The following ALK variants were observed in gnomAD, a reference collection of about 807,000 sequenced individuals.
The protein encoded by ALK is ALK receptor tyrosine kinase, also known as ALK tyrosine kinase receptor.
ALK carries 74 observed loss-of-function variants against 163.1 expected under a neutral mutation model. The ratio of observed to expected loss-of-function variants is 0.45; its 90% CI spans 0.38 to 0.55. The LOEUF is 0.55. ALK is among the 20% of genes least tolerant of loss of function. The pLI is 0.00. For missense variants in ALK, 2,063 were observed against 2,105.3 expected, an observed-to-expected ratio of 0.98 and a Z score of 0.39; for synonymous variants, 960 against 843.2, an observed-to-expected ratio of 1.14 and a Z score of -2.40.
Position 29,754,976 on chromosome 2 carries a change from T to C in ALK, c.668-37279A>G, listed in dbSNP as rs116071463. On this transcript the variant is annotated intron_variant, in intron 1 of 28. Coordinates refer to ENST00000389048, the MANE Select transcript of ALK (RefSeq NM_004304.5). ...CATGGATGTGCAGATGGGAAGCCTC[T>C]TCTGGAAGACCCCCACCCCAGAGCC... 7.5e-3 allele frequency among the ~76,000 whole-genome samples: 1,145 copies of C among 152,258 alleles called. 14 individuals carry two copies. The highest frequency in any genetic ancestry group is 0.027 in the African/African-American group (1,111 of 41,560).
At chr2:29,738,455 AC>A (rs1679956085) in intron 1 of ALK, among the ~76,000 whole-genome samples, 1 of 152,046 alleles carries the variant, frequency 6.6e-6, no homozygotes, top group Non-Finnish European at 1.5e-5. Context: ...AAATTCTGTA[AC>A]TTATGTGGCC....
At chr2:29,904,868 T>C (rs750521737) in intron 1 of ALK, among the ~76,000 whole-genome samples, 1 of 152,192 alleles carries the variant, frequency 6.6e-6, no homozygotes, top group Non-Finnish European at 1.5e-5. Flanking sequence ...CTGATGATAA[T>C]TGAGTGTGAG....
Position 29,523,913 on chromosome 2 carries a change from C to T in ALK, c.1154+8002G>A, listed in dbSNP as rs374559721. On this transcript the variant is annotated intron_variant, in intron 4 of 28. Transcript: ENST00000389048. ...TTTTATGCCCATCAATGAAAGCAATCGTGAGTAAAAGTTGTACCTGCCAGG... is the reference window on the plus strand; with the variant it reads ...TTTTATGCCCATCAATGAAAGCAATTGTGAGTAAAAGTTGTACCTGCCAGG... Among the ~76,000 whole-genome samples, 23 of 120,890 alleles carry T rather than the reference C, an allele frequency of 1.9e-4. 1 individual carries two copies. The South Asian group carries it at 6.0e-3, about 32-fold the overall frequency. The allele number at this position is 120,890 out of a possible 152,430, so 79.3% of individuals were successfully genotyped here. A position where few individuals can be genotyped will look rare whatever the true frequency, so the allele number is the denominator to read the frequency against.
chr2:29,442,546 G>T (rs1283550467), intron 4 of ALK, among the ~76,000 whole-genome samples: 2 of 152,114 alleles, frequency 1.3e-5, no homozygotes, highest in East Asian at 3.9e-4. Flanking sequence ...ATTCTCCCTT[G>T]AGTCTTGGGT....
intron 1 of ALK, among the ~76,000 whole-genome samples, chr2:29,760,996 G>A (rs1231989910): frequency 6.6e-6 from 1 of 152,150 alleles, no homozygotes; most frequent in East Asian, 1.9e-4. Context: ...TTCTCAGGAA[G>A]CTCTAATGAA....
chr2:29,657,085 A>G (rs567787840), intron 3 of ALK, among the ~76,000 whole-genome samples: 1 of 152,246 alleles, frequency 6.6e-6, no homozygotes, highest in African/African-American at 2.4e-5. Flanking sequence ...CAATAGGTGG[A>G]TCTTTTGTGA....
Position 29,610,306 on chromosome 2 carries a change from C to T in ALK, c.953-78190G>A, listed in dbSNP as rs118104013. ...GTTGGCTCAGTGGACAAATGATTCC[C>T]GGCTGCTTGTCCTTTGCTCTGACTT... On this transcript the variant is annotated intron_variant, in intron 3 of 28. Coordinates refer to ENST00000389048, the MANE Select transcript of ALK (RefSeq NM_004304.5). 7.4e-4 allele frequency among the ~76,000 whole-genome samples: 113 copies of T among 152,204 alleles called. 2 individuals are homozygous for T. In the East Asian group the frequency reaches 0.017, roughly 23 times the overall value.
At chr2:29,800,906 C>T (rs1021805371) in intron 1 of ALK, among the ~76,000 whole-genome samples, 3 of 152,216 alleles carry the variant, frequency 2.0e-5, no homozygotes, top group Non-Finnish European at 4.4e-5. Context: ...AGAGCCACGC[C>T]GCTAAGCGTG....
intron 3 of ALK, among the ~76,000 whole-genome samples, chr2:29,608,703 C>G (rs777002351): frequency 6.6e-6 from 1 of 152,152 alleles, no homozygotes; most frequent in Admixed American, 6.5e-5. Flanking sequence ...TCCTAATGAC[C>G]AGTTGTGACC....
At chr2:29,772,336 T>C (rs1681051235) in intron 1 of ALK, among the ~76,000 whole-genome samples, 1 of 152,082 alleles carries the variant, frequency 6.6e-6, no homozygotes, top group Non-Finnish European at 1.5e-5. Context: ...AGATGGTTCA[T>C]GAAAGGAAAA....
At chr2:29,293,232 TTAGA>T (rs1666085731) in intron 9 of ALK, among the ~76,000 whole-genome samples, 1 of 152,194 alleles carries the variant, frequency 6.6e-6, no homozygotes, top group South Asian at 2.1e-4. Context: ...AGGAGGAATG[TTAGA>T]TAGATTCCAT....
chr2:29,646,370 T>C (rs916863439), intron 3 of ALK, among the ~76,000 whole-genome samples: 5 of 152,120 alleles, frequency 3.3e-5, no homozygotes, highest in Non-Finnish European at 7.4e-5. Context: ...TTCTTGAAAA[T>C]ATTTCTACAC....
At chr2:29,493,394 G>A (rs1205705905) in intron 4 of ALK, among the ~76,000 whole-genome samples, 1 of 152,162 alleles carries the variant, frequency 6.6e-6, no homozygotes, top group Non-Finnish European at 1.5e-5. Context: ...ACACATCAGA[G>A]AGTCACGTAT....
At chr2:29,760,092 T>C (rs1680657826) in intron 1 of ALK, among the ~76,000 whole-genome samples, 1 of 152,182 alleles carries the variant, frequency 6.6e-6, no homozygotes, top group Non-Finnish European at 1.5e-5. Flanking sequence ...AGTACTTTAC[T>C]CAGACACCAT....
In ALK at chr2:29,741,077, T is replaced by C. The variant is rs368647374; in HGVS notation, c.668-23380A>G. Among the ~76,000 whole-genome samples the C allele has an allele frequency of 1.9e-4, 29 of 152,298 alleles. No individual in the cohort carries two copies. In the East Asian group the frequency reaches 4.8e-3, roughly 25 times the overall value. ...ACATGGAAGATACTTAAATGAATAT[T>C]ACCAAATGAAAGATGCCAATCTGAA... On this transcript the variant is annotated intron_variant, in intron 1 of 28. Coordinates refer to ENST00000389048, the MANE Select transcript of ALK (RefSeq NM_004304.5).
chr2:29,788,903 C>G (rs1040385820), intron 1 of ALK, among the ~76,000 whole-genome samples: 2 of 152,176 alleles, frequency 1.3e-5, no homozygotes, highest in East Asian at 3.9e-4. Flanking sequence ...TATATTGACA[C>G]TTCTTTCTGA....
chr2:29,393,315 G>A lies in ALK; in HGVS notation c.1155-9456C>T, dbSNP rs1334290483. Among the ~76,000 whole-genome samples, 4 of 152,292 alleles carry A rather than the reference G, an allele frequency of 2.6e-5. No homozygotes were observed. In the East Asian group the frequency reaches 7.7e-4, roughly 29 times the overall value. On this transcript the variant is annotated intron_variant, in intron 4 of 28. Transcript: ENST00000389048. ...CTCGCCCCTCTTTCTCCCTTGAAGT[G>A]AGTTGTAGAAACCAGAAGTCCTCTT... is the stretch of plus-strand genomic sequence containing the variant.
chr2:29,442,264 A>C (rs1268524099), intron 4 of ALK, among the ~76,000 whole-genome samples: 1 of 151,966 alleles, frequency 6.6e-6, no homozygotes, highest in Non-Finnish European at 1.5e-5. Flanking sequence ...AATTACACAA[A>C]TTGCCCATCA....
intron 3 of ALK, among the ~76,000 whole-genome samples, chr2:29,593,292 G>A (rs1468906585): frequency 3.9e-5 from 6 of 152,190 alleles, no homozygotes; most frequent in Non-Finnish European, 8.8e-5. Flanking sequence ...GGGATGGCTG[G>A]AGATGATTTC....
Sources: allele counts gnomAD v4.1 joint callset (sites outside exome capture counted in the v4.1 genomes callset), GRCh38; gene constraint gnomAD v4.1.1; transcripts MANE v1.5; gene names NCBI Gene and HGNC (gene_info 2026-07-23, HGNC 2026-07-21).